KCNAB2: variants seen among roughly 807,000 people sequenced by gnomAD.
KCNAB2 encodes the protein potassium voltage-gated channel subfamily A regulatory beta subunit 2, also known as voltage-gated potassium channel subunit beta-2.
A neutral mutation model predicts 63.6 loss-of-function variants in KCNAB2; 29 were observed. That is an observed-to-expected ratio of 0.46 (90% CI 0.34 to 0.62). KCNAB2 has a LOEUF of 0.62. KCNAB2 is among the 20% of genes least tolerant of loss of function. The pLI, the probability that KCNAB2 is intolerant of heterozygous loss-of-function variation, is 0.01. For synonymous variants in KCNAB2, 222 were observed against 224.2 expected (o/e 0.99, Z 0.09); for missense variants, 359 against 563.9 (o/e 0.64, Z 3.68).
rs547628043 is a variant in KCNAB2, at chr1:6,028,402, G to A, written c.-52-12115G>A. 2.6e-5 allele frequency among the ~76,000 whole-genome samples: 4 copies of A among 152,292 alleles called. No homozygotes were observed. The highest frequency in any genetic ancestry group is 1.9e-4 in the East Asian group (1 of 5,186). ...ATACAGTAGTCACGGCAGATACTTC[G>A]GGGGCTTGGCAGGGGGGACCTCCGG... On this transcript the variant is annotated intron_variant, in intron 1 of 16. Transcript: ENST00000341524. This position sits in a 1 kb window ranked among gnomAD's most constrained non-coding sequence, Gnocchi z 4.0.
intron 1 of KCNAB2, among the ~76,000 whole-genome samples, chr1:6,036,584 C>T (rs902704820): frequency 3.3e-5 from 5 of 152,170 alleles, no homozygotes; most frequent in Non-Finnish European, 5.9e-5. Flanking sequence ...GCTGGCAGTG[C>T]GTCCTGAAGA....
At chr1:5,997,821 T>G (rs1004109534) in intron 1 of KCNAB2, among the ~76,000 whole-genome samples, 2 of 152,188 alleles carry the variant, frequency 1.3e-5, no homozygotes, top group African/African-American at 4.8e-5. Flanking sequence ...CTCGATCTAT[T>G]CATTATAAAA....
At chr1:6,083,376 G>A (rs564308819) in intron 5 of KCNAB2, among the ~76,000 whole-genome samples, 1 of 152,322 alleles carries the variant, frequency 6.6e-6, no homozygotes, top group African/African-American at 2.4e-5. Flanking sequence ...CTCCGTGGAT[G>A]AGGCCGGGCA....
chr1:6,087,655 G>A lies in KCNAB2; in HGVS notation c.470+144G>A. On this transcript the variant is annotated intron_variant, in intron 7 of 15. Coordinates refer to ENST00000378083, the MANE Select transcript of KCNAB2 (RefSeq NM_001199862.2). This position sits in a 1 kb window ranked among gnomAD's most constrained non-coding sequence, Gnocchi z 6.4. ...AGGGAGAGTGGTCGGGGTCTGTCCT[G>A]GACAGGCCCCGGCCCAGTGCCATTT... 1 of 830,618 alleles carries A rather than the reference G, an allele frequency of 1.2e-6. No homozygotes were observed. The highest frequency in any genetic ancestry group is 2.0e-6 in the Non-Finnish European group (1 of 510,070). The allele number at this position is 830,618 out of a possible 1,614,324, so 51.5% of individuals were successfully genotyped here.
rs372157457 is a variant in KCNAB2 at position 6,073,048 on chromosome 1, G to T, written c.262+250G>T. On this transcript the variant is annotated intron_variant, in intron 3 of 15. Transcript: ENST00000378083. The surrounding 1 kb of genome is among the most constrained non-coding windows in gnomAD (Gnocchi z 5.7). ...AGAGGAGGTGAGGCGGATACTAGGG[G>T]CCCCTCCACACATGGTCCCCACCCC... Among the ~76,000 whole-genome samples the T allele has an allele frequency of 6.6e-6, 1 of 152,050 alleles. No individual in the cohort carries two copies. Among genetic ancestry groups the T allele is most frequent in the Non-Finnish European group, 1.5e-5 (1 of 67,992 alleles).
rs1665529867 is a variant in KCNAB2, at chr1:6,095,325, G to A, written c.735G>A (p.Glu245=). The A allele has an allele frequency of 1.9e-6, 3 of 1,612,372 alleles. No individual in the cohort carries two copies. Among genetic ancestry groups the A allele is most frequent in the African/African-American group, 1.3e-5 (1 of 75,048 alleles). ...GGGGTCCCTTTCTGCCTTCACAGGA[G>A]GCCTACTCCGTGGCCCGGCAGTTCA... ...TSRWSSMEIM[E]AYSVARQFNL... The change falls in exon 12 of 16, where the codon GAG becomes GAA. Residue 245 remains glutamate (E), a splice_region_variant and synonymous_variant. Coordinates refer to ENST00000378083, the MANE Select transcript of KCNAB2 (RefSeq NM_001199862.2).
intron 8 of KCNAB2, among the ~76,000 whole-genome samples, chr1:6,090,073 T>C (rs1665057335): frequency 6.6e-6 from 1 of 152,162 alleles, no homozygotes; most frequent in Non-Finnish European, 1.5e-5. Context: ...GATAAAGTCA[T>C]CTCCCTGTTG....
chr1:6,045,033 G>A (rs1660801333), upstream of KCNAB2, among the ~76,000 whole-genome samples: 1 of 152,158 alleles, frequency 6.6e-6, no homozygotes, highest in Non-Finnish European at 1.5e-5. This position sits in a 1 kb window ranked among gnomAD's most constrained non-coding sequence, Gnocchi z 4.8. Flanking sequence ...AGTGGGCTTG[G>A]GCCTTTGGGG....
chr1:6,011,933 T>G (rs1658170761), intron 1 of KCNAB2, among the ~76,000 whole-genome samples: 2 of 152,084 alleles, frequency 1.3e-5, no homozygotes, highest in South Asian at 4.1e-4. Context: ...AAAGCAGTAG[T>G]GCTCAGAGGA....
At chr1:6,040,642 A>G (rs370596239) in exon 2 of KCNAB2, 279 of 1,611,268 alleles carry the variant, frequency 1.7e-4, no homozygotes, top group Non-Finnish European at 2.1e-4. Flanking sequence ...GGGATGATCT[A>G]CAGGTGACCC....
At position 6,088,903 on chromosome 1, in the gene KCNAB2, G is replaced by C. The variant is rs560356350; in HGVS notation, c.471-105G>C. ...TGGAATCCGACTCCACACGGCATTTGCTGACCCTGTTTTTGCGTCTAACAT... is the reference window on the plus strand; with the variant it reads ...TGGAATCCGACTCCACACGGCATTTCCTGACCCTGTTTTTGCGTCTAACAT... On this transcript the variant is annotated intron_variant, in intron 7 of 15. Transcript: ENST00000378083. 1.2e-5 allele frequency: 13 copies of C among 1,092,214 alleles called. No homozygotes were observed. The Admixed American group carries it at 1.9e-4, about 16-fold the overall frequency. 67.7% of individuals were successfully genotyped at this position (1,092,214 alleles called of 1,614,324 possible). A position where few individuals can be genotyped will look rare whatever the true frequency, so the allele number is the denominator to read the frequency against.
chr1:6,092,463 G>A (rs2100773271), intron 10 of KCNAB2, among the ~76,000 whole-genome samples: 1 of 152,400 alleles, frequency 6.6e-6, no homozygotes, highest in Non-Finnish European at 1.5e-5. Context: ...GCCGGGGAGG[G>A]AGAGTGAGGG....
At chr1:5,997,021 C>A (rs1459524290) in intron 1 of KCNAB2, among the ~76,000 whole-genome samples, 1 of 152,188 alleles carries the variant, frequency 6.6e-6, no homozygotes, top group East Asian at 1.9e-4. Context: ...CCTGCTAAGC[C>A]ACACGGATCA....
intron 2 of KCNAB2, among the ~76,000 whole-genome samples, chr1:6,060,217 G>T (rs1355804794): frequency 6.6e-6 from 1 of 152,206 alleles, no homozygotes; most frequent in Non-Finnish European, 1.5e-5. Flanking sequence ...TCTCCCTGGA[G>T]CCCTGCCATA....
At chr1:6,089,736 T>C (rs1319142629) in intron 8 of KCNAB2, among the ~76,000 whole-genome samples, 1 of 152,214 alleles carries the variant, frequency 6.6e-6, no homozygotes, top group Non-Finnish European at 1.5e-5. Flanking sequence ...TTGCTCTTGT[T>C]GCCCAGGCTG....
chr1:6,040,989 C>T (rs563606861), upstream of KCNAB2, among the ~76,000 whole-genome samples: 1 of 152,354 alleles, frequency 6.6e-6, no homozygotes, highest in African/African-American at 2.4e-5. Flanking sequence ...TCCTGTTCCT[C>T]CCACTTTATA....
At chr1:6,021,720 C>G (rs1208552279) in intron 1 of KCNAB2, among the ~76,000 whole-genome samples, 1 of 144,532 alleles carries the variant, frequency 6.9e-6, no homozygotes, top group Non-Finnish European at 1.5e-5. Flanking sequence ...GTGTGTAGTT[C>G]AGTGGTATGA....
upstream of KCNAB2, among the ~76,000 whole-genome samples, chr1:6,042,854 C>A (rs1290063648): frequency 3.7e-4 from 49 of 131,042 alleles, 2 homozygotes; most frequent in African/African-American, 1.1e-3. Context: ...CCCCCCCCCC[C>A]GTTTGCCAGC....
At chr1:6,063,953 C>T (rs931328504) in intron 2 of KCNAB2, among the ~76,000 whole-genome samples, 1 of 152,202 alleles carries the variant, frequency 6.6e-6, no homozygotes, top group African/African-American at 2.4e-5. Flanking sequence ...CACTTGGTGA[C>T]TGAAAGTCTC....
Sources: gnomAD v4.1 joint callset for allele counts (sites outside exome capture counted in the v4.1 genomes callset) on GRCh38, gnomAD v4.1.1 for gene constraint, Gnocchi (gnomAD v3.1) non-coding constraint, MANE v1.5 for transcripts, NCBI Gene and HGNC (gene_info 2026-07-23, HGNC 2026-07-21) for gene names.